Variants in MCTP1 observed in about 807,000 individuals in gnomAD.
MCTP1 encodes multiple C2 and transmembrane domain containing 1, also known as multiple C2 and transmembrane domain-containing protein 1.
MCTP1 carries 69 observed loss-of-function variants against 120.6 expected under a neutral mutation model. The ratio of observed to expected loss-of-function variants is 0.57; its 90% confidence interval spans 0.47 to 0.70. The LOEUF (loss-of-function observed/expected upper bound fraction) is 0.70. MCTP1 is among the 30% of genes least tolerant of loss of function. MCTP1 has a pLI of 0.00. For synonymous variants in MCTP1, 529 were observed against 493.1 expected (o/e 1.07, Z -0.96); for missense variants, 1,203 against 1,248.8 (o/e 0.96, Z 0.55).
chr5:95,117,225 C>G (rs1451227347), intron 1 of MCTP1, among the ~76,000 whole-genome samples: 2 of 151,750 alleles, frequency 1.3e-5, no homozygotes, highest in Admixed American at 1.3e-4. Context: ...CCCGTCTCTA[C>G]TAAAAACAGA....
At chr5:94,858,398 T>C (rs1486325071) in intron 17 of MCTP1, among the ~76,000 whole-genome samples, 1 of 151,644 alleles carries the variant, frequency 6.6e-6, no homozygotes, top group Non-Finnish European at 1.5e-5. Flanking sequence ...TACACATTTA[T>C]TACTTAAACT....
At chr5:95,149,441 C>CGGA in intron 1 of MCTP1, among the ~76,000 whole-genome samples, 1 of 152,202 alleles carries the variant, frequency 6.6e-6, no homozygotes, top group East Asian at 1.9e-4. Flanking sequence ...TGGGAAAATA[C>CGGA]GGAGCTGTGC....
chr5:95,213,315 A>G (rs1752628209), intron 1 of MCTP1, among the ~76,000 whole-genome samples: 1 of 152,232 alleles, frequency 6.6e-6, no homozygotes. Context: ...AAGGACGTGA[A>G]AGACCTCTTC....
intron 10 of MCTP1, among the ~76,000 whole-genome samples, chr5:94,898,754 T>TA (rs368867243): frequency 4.6e-5 from 7 of 152,220 alleles, no homozygotes; most frequent in African/African-American, 1.4e-4. Context: ...CACAGATACA[T>TA]ACACAGAGAA....
At chr5:94,883,512 C>T (rs1474938737) in intron 12 of MCTP1, among the ~76,000 whole-genome samples, 1 of 152,148 alleles carries the variant, frequency 6.6e-6, no homozygotes, top group African/African-American at 2.4e-5. Flanking sequence ...TGCACATCCT[C>T]TCTTTTATTT....
rs116771596 is a variant in MCTP1, at chr5:95,141,520, T to G, written c.721-124036A>C. ...GTGTGCAACAACATGAGAGTTTGGC[T>G]ATTTTTTGAAGGCAAAGTCCTAGAT... On this transcript the variant is annotated intron_variant, in intron 1 of 22. Coordinates refer to ENST00000515393, the MANE Select transcript of MCTP1 (RefSeq NM_024717.7). 7.7e-3 allele frequency among the ~76,000 whole-genome samples: 1,178 copies of G among 152,330 alleles called. 9 individuals carry two copies. The highest frequency in any genetic ancestry group is 0.027 in the African/African-American group (1,118 of 41,564).
At chr5:95,020,104 AT>A (rs1275656291) in intron 1 of MCTP1, among the ~76,000 whole-genome samples, 1 of 152,050 alleles carries the variant, frequency 6.6e-6, no homozygotes, top group Non-Finnish European at 1.5e-5. Context: ...GAAAAGGAGA[AT>A]TTTCTACATG....
At chr5:94,863,391 C>A (rs967178292) in intron 17 of MCTP1, among the ~76,000 whole-genome samples, 15 of 151,794 alleles carry the variant, frequency 9.9e-5, no homozygotes, top group African/African-American at 3.4e-4. Flanking sequence ...TTGAAAATTG[C>A]CATAGACTTG....
intron 19 of MCTP1, among the ~76,000 whole-genome samples, chr5:94,775,965 T>TTA (rs141167179): frequency 0.1 from 15,114 of 145,498 alleles, 942 homozygotes; most frequent in African/African-American, 0.17. Flanking sequence ...TATATTTATA[T>TTA]TATATATATA....
At position 95,283,877 on chromosome 5, in the gene MCTP1, GC is replaced by G; in HGVS notation, c.698del (p.Gly233AlafsTer10). ...TCACCTGGCTGCTGCCGTGCTCCTC[GC>G]CCGTCTCCGGGGCCCGAGACTCCGC... ...SPAESRAPET[G>X]EEHGSSQKII... On this transcript the variant is annotated frameshift_variant, in exon 1 of 23. Transcript: ENST00000515393. LOFTEE classifies it high-confidence loss of function. 7.3e-7 allele frequency: 1 copy of G among 1,377,206 alleles called. No homozygotes were observed. The highest frequency in any genetic ancestry group is 9.3e-7 in the Non-Finnish European group (1 of 1,074,630). The allele number at this position is 1,377,206 out of a possible 1,614,324, so 85.3% of individuals were successfully genotyped here.
intron 17 of MCTP1, among the ~76,000 whole-genome samples, chr5:94,866,444 T>C (rs1052000949): frequency 4.0e-5 from 6 of 151,792 alleles, no homozygotes; most frequent in African/African-American, 1.4e-4. Flanking sequence ...TGGGTTCTTC[T>C]CCAAAGTACT....
rs189516294 is a variant in MCTP1, at chr5:95,130,757, C to A, written c.721-113273G>T. On this transcript the variant is annotated intron_variant, in intron 1 of 22. Transcript: ENST00000515393. ...CCCAATCATACGGGATTATCACCTA[C>A]CCTAATGACTTCATTTCAGTTTAAT... is the stretch of plus-strand genomic sequence containing the variant. Among the ~76,000 whole-genome samples, 651 of 152,240 alleles carry A rather than the reference C, an allele frequency of 4.3e-3. 5 individuals carry two copies. The highest frequency in any genetic ancestry group is 0.015 in the African/African-American group (608 of 41,532).
intron 2 of MCTP1, among the ~76,000 whole-genome samples, chr5:94,989,273 T>C (rs1185711264): frequency 6.6e-6 from 1 of 152,076 alleles, no homozygotes; most frequent in Non-Finnish European, 1.5e-5. Flanking sequence ...CGGGACAATC[T>C]GGAAGAAAAG....
At chr5:95,281,986 T>C (rs1760362312) in intron 1 of MCTP1, among the ~76,000 whole-genome samples, 1 of 152,246 alleles carries the variant, frequency 6.6e-6, no homozygotes, top group African/African-American at 2.4e-5. Context: ...AACTTCTCTC[T>C]GTCATCTACT....
intron 2 of MCTP1, among the ~76,000 whole-genome samples, chr5:95,010,571 A>C (rs564737838): frequency 1.3e-4 from 20 of 152,304 alleles, no homozygotes; most frequent in African/African-American, 4.8e-4. Context: ...CTATTTAAAT[A>C]TCTCTTCTTA....
chr5:95,187,121 A>C lies in MCTP1; in HGVS notation c.720+96735T>G, dbSNP rs1173765086. On this transcript the variant is annotated intron_variant, in intron 1 of 22. Transcript: ENST00000515393. Reference sequence around the variant, plus strand: ...CTGGGTATATACCCAAAAGAAAGGAAAGCAGTAAATCGAAGAGATATTTGC... The same window carrying C: ...CTGGGTATATACCCAAAAGAAAGGACAGCAGTAAATCGAAGAGATATTTGC... Among the ~76,000 whole-genome samples the C allele has an allele frequency of 3.9e-5, 6 of 152,240 alleles. No homozygotes were observed. In the East Asian group the frequency reaches 1.2e-3, roughly 29 times the overall value.
At position 95,256,350 on chromosome 5, in the gene MCTP1, TGC is replaced by T. The variant is rs140949239; in HGVS notation, c.720+27504_720+27505del. Among the ~76,000 whole-genome samples, 1,300 of 152,344 alleles carry T rather than the reference TGC, an allele frequency of 8.5e-3. 40 individuals are homozygous for T. Among genetic ancestry groups the T allele is most frequent in the Admixed American group, 0.063 (959 of 15,296 alleles). On this transcript the variant is annotated intron_variant, in intron 1 of 22. Transcript: ENST00000515393. ...CTCCCTGTGCTGCTTGGCAGATGTCTGCTGGCAAACCCAATCCTTGTCCTCTC... is the reference window on the plus strand; with the variant it reads ...CTCCCTGTGCTGCTTGGCAGATGTCTTGGCAAACCCAATCCTTGTCCTCTC...
chr5:95,172,992 C>CT (rs1028307376), intron 1 of MCTP1, among the ~76,000 whole-genome samples: 10 of 151,848 alleles, frequency 6.6e-5, no homozygotes, highest in Admixed American at 3.3e-4. Context: ...TAATTTCAGC[C>CT]TTTTTTTTAG....
chr5:94,944,637 C>T (rs1282936436), intron 3 of MCTP1, among the ~76,000 whole-genome samples: 1 of 151,824 alleles, frequency 6.6e-6, no homozygotes. Context: ...ATTCAACATC[C>T]AACCTCTTTT....
Sources: gnomAD v4.1 joint callset for allele counts (sites outside exome capture counted in the v4.1 genomes callset) on GRCh38, gnomAD v4.1.1 for gene constraint, MANE v1.5 for transcripts, NCBI Gene and HGNC (gene_info 2026-07-23, HGNC 2026-07-21) for gene names.